Variants in LARGE1 observed in about 807,000 individuals in gnomAD.
LARGE1 encodes LARGE xylosyl- and glucuronyltransferase 1, also known as xylosyl- and glucuronyltransferase LARGE1.
Under a neutral mutation model 87.6 loss-of-function variants are expected in LARGE1, and 43 were observed. The ratio of observed to expected loss-of-function variants is 0.49; its 90% confidence interval spans 0.38 to 0.63. The LOEUF (loss-of-function observed/expected upper bound fraction) is 0.63. Among genes scored for constraint, LARGE1 ranks in the 30% least tolerant of loss-of-function variants. The pLI is 0.00. For synonymous variants in LARGE1, 434 were observed against 394.6 expected (o/e 1.10, Z -1.18); for missense variants, 802 against 1,000.2 (o/e 0.80, Z 2.67).
chr22:33,715,534 C>T (rs1157629314), intron 2 of LARGE1, among the ~76,000 whole-genome samples: 3 of 152,182 alleles, frequency 2.0e-5, no homozygotes, highest in Non-Finnish European at 4.4e-5. Flanking sequence ...TCTTCCATAG[C>T]CCCATCCCCT....
intron 1 of LARGE1, among the ~76,000 whole-genome samples, chr22:33,812,815 C>T (rs537740618): frequency 6.6e-6 from 1 of 152,238 alleles, no homozygotes; most frequent in Non-Finnish European, 1.5e-5. Flanking sequence ...GCCCTGACAA[C>T]ACGCCAGGCC....
intron 2 of LARGE1, among the ~76,000 whole-genome samples, chr22:33,740,056 G>A (rs117163684): frequency 0.019 from 2,953 of 152,204 alleles, 41 homozygotes; most frequent in South Asian, 0.046. Flanking sequence ...GACTGATTGG[G>A]TTAAACATGC....
intron 11 of LARGE1, among the ~76,000 whole-genome samples, chr22:33,243,808 C>T (rs572850540): frequency 2.1e-4 from 32 of 152,262 alleles, no homozygotes; most frequent in African/African-American, 7.0e-4. Context: ...TTTCAGGTCA[C>T]CTTTTTTTAT....
intron 5 of LARGE1, among the ~76,000 whole-genome samples, chr22:33,569,283 G>A (rs911373395): frequency 3.3e-5 from 5 of 152,178 alleles, no homozygotes; most frequent in African/African-American, 9.7e-5. Flanking sequence ...CTGAACACGA[G>A]AGTGATGGGT....
At chr22:33,113,218 T>G in the LARGE1 span, among the ~76,000 whole-genome samples, 3 of 150,912 alleles carry the variant, frequency 2.0e-5, no homozygotes, top group Admixed American at 6.6e-5. Context: ...TTTTTTTTTT[T>G]TTTTTTGAGA....
the LARGE1 span, among the ~76,000 whole-genome samples, chr22:33,103,165 G>C: frequency 6.6e-6 from 1 of 152,060 alleles, no homozygotes; most frequent in Non-Finnish European, 1.5e-5. Context: ...CGGGTGCGTT[G>C]GCTCACGCCT....
chr22:33,891,643 A>G (rs1387656790), intron 1 of LARGE1, among the ~76,000 whole-genome samples: 1 of 152,216 alleles, frequency 6.6e-6, no homozygotes, highest in Non-Finnish European at 1.5e-5. Flanking sequence ...GATCATACCT[A>G]TAAAATGCTT....
intron 2 of LARGE1, among the ~76,000 whole-genome samples, chr22:33,721,554 C>T (rs547893991): frequency 5.1e-4 from 77 of 152,240 alleles, no homozygotes; most frequent in Non-Finnish European, 9.6e-4. Context: ...GGGCAACACA[C>T]TTGTGAACAT....
the LARGE1 span, among the ~76,000 whole-genome samples, chr22:33,104,429 T>G: frequency 6.6e-6 from 1 of 152,328 alleles, no homozygotes; most frequent in East Asian, 1.9e-4. Flanking sequence ...TAAATGCTGA[T>G]AGAGGCCTAT....
At chr22:33,249,846 A>G (rs1400773082) in intron 11 of LARGE1, among the ~76,000 whole-genome samples, 1 of 152,180 alleles carries the variant, frequency 6.6e-6, no homozygotes, top group African/African-American at 2.4e-5. Context: ...TCAGCTGACT[A>G]TATTTATGTG....
At chr22:33,609,536 G>C (rs1253566399) in intron 4 of LARGE1, among the ~76,000 whole-genome samples, 2 of 152,182 alleles carry the variant, frequency 1.3e-5, no homozygotes, top group African/African-American at 4.8e-5. Flanking sequence ...GAGGAGAAAG[G>C]GAGGCATTCA....
chr22:33,638,448 A>C (rs1602895482), intron 3 of LARGE1, among the ~76,000 whole-genome samples: 1 of 148,706 alleles, frequency 6.7e-6, no homozygotes, highest in African/African-American at 2.6e-5. Flanking sequence ...AAAGCCCCCA[A>C]GGTGAAAGAT....
At chr22:33,300,230 G>A (rs1431731230) in intron 12 of LARGE1, among the ~76,000 whole-genome samples, 1 of 152,154 alleles carries the variant, frequency 6.6e-6, no homozygotes. Flanking sequence ...AACTTCTCTG[G>A]GGCCTCAGTT....
chr22:33,861,140 T>A (rs905682943), intron 1 of LARGE1, among the ~76,000 whole-genome samples: 3 of 152,094 alleles, frequency 2.0e-5, no homozygotes, highest in Admixed American at 6.5e-5. Flanking sequence ...CTTATTCCCA[T>A]CTGTGCGGCA....
chr22:33,403,335 A>G (rs765562469), intron 7 of LARGE1, among the ~76,000 whole-genome samples: 2 of 152,232 alleles, frequency 1.3e-5, no homozygotes, highest in Non-Finnish European at 2.9e-5. Context: ...GCAGAGTCCT[A>G]GTGCAGAAGA....
At chr22:33,489,161 A>G (rs1245631024) in intron 6 of LARGE1, among the ~76,000 whole-genome samples, 1 of 152,226 alleles carries the variant, frequency 6.6e-6, no homozygotes, top group Non-Finnish European at 1.5e-5. Context: ...CGTGGAGCTT[A>G]TACTGTAGCA....
At chr22:33,728,579 A>AACAAC (rs2083352719) in intron 2 of LARGE1, among the ~76,000 whole-genome samples, 1 of 142,246 alleles carries the variant, frequency 7.0e-6, no homozygotes, top group Non-Finnish European at 1.5e-5. Context: ...AAAAAAAAAA[A>AACAAC]CCAACAACAG....
At chr22:33,486,403 T>C (rs1046489996) in intron 6 of LARGE1, among the ~76,000 whole-genome samples, 4 of 152,204 alleles carry the variant, frequency 2.6e-5, no homozygotes, top group African/African-American at 9.6e-5. Context: ...TTTTGCTTTC[T>C]CATTAAGTTT....
intron 7 of LARGE1, among the ~76,000 whole-genome samples, chr22:33,425,513 G>C (rs1444579760): frequency 6.6e-6 from 1 of 152,176 alleles, no homozygotes; most frequent in Non-Finnish European, 1.5e-5. Flanking sequence ...CATCCTTGCA[G>C]CAGAAAGATG....
Sources: allele counts gnomAD v4.1 joint callset (sites outside exome capture counted in the v4.1 genomes callset), GRCh38; gene constraint gnomAD v4.1.1; transcripts MANE v1.5; gene names NCBI Gene and HGNC (gene_info 2026-07-23, HGNC 2026-07-21).